Variants in ANK3 observed in about 807,000 individuals in gnomAD.
ANK3 encodes ankyrin-3.
Under a neutral mutation model 370.9 loss-of-function variants are expected in ANK3, and 57 were observed. That is an observed-to-expected ratio of 0.15 (90% CI 0.12 to 0.19). The LOEUF is 0.19. Ranked by LOEUF, ANK3 falls within the 10% of genes least tolerant of loss-of-function variation. ANK3 has a pLI of 1.00. For synonymous variants in ANK3, 1,929 were observed against 1,946.3 expected, an observed-to-expected ratio of 0.99 and a Z score of 0.23; for missense variants, 4,439 against 5,302.1, an observed-to-expected ratio of 0.84 and a Z score of 5.06.
chr10:60,605,915 G>C (rs1372672784), intron 2 of ANK3, among the ~76,000 whole-genome samples: 1 of 152,172 alleles, frequency 6.6e-6, no homozygotes, highest in East Asian at 1.9e-4. Context: ...TCATGCAAAA[G>C]TTCCTGCCTT....
intron 43 of ANK3, among the ~76,000 whole-genome samples, chr10:60,035,051 G>A (rs913996702): frequency 1.3e-4 from 19 of 151,820 alleles, no homozygotes; most frequent in Non-Finnish European, 2.8e-4. Context: ...CTGTTCATTC[G>A]TGTTTTAGCA....
chr10:60,507,335 C>A (rs1484626055), intron 2 of ANK3, among the ~76,000 whole-genome samples: 1 of 151,878 alleles, frequency 6.6e-6, no homozygotes, highest in Non-Finnish European at 1.5e-5. Context: ...TAAACATATT[C>A]ACTTAGAAAA....
At chr10:60,622,952 TA>T in intron 1 of ANK3, among the ~76,000 whole-genome samples, 1 of 152,330 alleles carries the variant, frequency 6.6e-6, no homozygotes, top group South Asian at 2.1e-4. Context: ...TTCAGTTATT[TA>T]AAACTCCTCA....
intron 2 of ANK3, among the ~76,000 whole-genome samples, chr10:60,590,743 C>A (rs531749122): frequency 6.6e-6 from 1 of 152,354 alleles, no homozygotes; most frequent in African/African-American, 2.4e-5. Flanking sequence ...ATATAACCTA[C>A]TCACATGTTC....
At chr10:60,239,689 G>A (rs1157027649) in intron 7 of ANK3, among the ~76,000 whole-genome samples, 1 of 152,002 alleles carries the variant, frequency 6.6e-6, no homozygotes, top group South Asian at 2.1e-4. Context: ...AAGGGCTCTG[G>A]AAATGGCAAA....
chr10:60,032,865 C>T (rs555968740), intron 43 of ANK3, among the ~76,000 whole-genome samples: 24 of 152,272 alleles, frequency 1.6e-4, no homozygotes, highest in African/African-American at 5.8e-4. Flanking sequence ...AAAGACTTTA[C>T]ACCAAGTACA....
At chr10:60,039,073 T>C (rs1220741187) in intron 43 of ANK3, among the ~76,000 whole-genome samples, 1 of 152,232 alleles carries the variant, frequency 6.6e-6, no homozygotes, top group African/African-American at 2.4e-5. Context: ...CTTTTTCCCA[T>C]TGCAGACTGG....
At chr10:60,222,013 G>C (rs2097068210) in intron 8 of ANK3, among the ~76,000 whole-genome samples, 1 of 152,178 alleles carries the variant, frequency 6.6e-6, no homozygotes. Flanking sequence ...CAACTCATCA[G>C]TTCTAGCTGA....
intron 1 of ANK3, among the ~76,000 whole-genome samples, chr10:60,693,454 G>C (rs574099688): frequency 1.3e-5 from 2 of 152,354 alleles, no homozygotes; most frequent in Non-Finnish European, 1.5e-5. Context: ...GCAGGGAACA[G>C]ACAAACAAAA....
intron 1 of ANK3, among the ~76,000 whole-genome samples, chr10:60,386,832 G>C (rs2062410995): frequency 6.6e-6 from 1 of 152,064 alleles, no homozygotes; most frequent in African/African-American, 2.4e-5. Context: ...ATTTTCCCAA[G>C]CTTTTGAGCG....
chr10:60,193,039 T>C (rs994920826), intron 16 of ANK3, among the ~76,000 whole-genome samples: 2 of 152,002 alleles, frequency 1.3e-5, no homozygotes, highest in Non-Finnish European at 2.9e-5. Context: ...GATTAAAGTC[T>C]AGAAAAAGTT....
At chr10:60,125,911 T>A (rs2093732882) in intron 25 of ANK3, among the ~76,000 whole-genome samples, 1 of 152,190 alleles carries the variant, frequency 6.6e-6, no homozygotes, top group Admixed American at 6.5e-5. Context: ...TATGACTAAA[T>A]GTATATGAAA....
At chr10:60,649,011 G>T (rs1292866010) in intron 1 of ANK3, among the ~76,000 whole-genome samples, 1 of 152,008 alleles carries the variant, frequency 6.6e-6, no homozygotes, top group Non-Finnish European at 1.5e-5. Context: ...TCTTTTTCTT[G>T]GTTCCATGCA....
chr10:60,564,688 G>C (rs1248009698), intron 2 of ANK3, among the ~76,000 whole-genome samples: 1 of 152,156 alleles, frequency 6.6e-6, no homozygotes, highest in African/African-American at 2.4e-5. Flanking sequence ...ATTCATCAGA[G>C]AGGAAACAAG....
intron 26 of ANK3, among the ~76,000 whole-genome samples, chr10:60,113,965 A>G (rs1173716257): frequency 1.3e-5 from 2 of 152,154 alleles, no homozygotes; most frequent in African/African-American, 2.4e-5. Flanking sequence ...GAAGATTAGA[A>G]CAGCCAGGAA....
rs2081967857 is a variant in ANK3 at position 60,067,959 on chromosome 10, C to G, written c.12295G>C (p.Asp4099His). 1 of 1,610,052 alleles carries G rather than the reference C, an allele frequency of 6.2e-7. No homozygotes were observed. Residue 4099 changes from aspartate (D) to histidine (H), a missense_variant, in exon 38 of 44, where the codon GAT becomes CAT. Around this residue, in one of 13 missense-constraint regions of ANK3, gnomAD observed 99 missense variants for 150.7 expected, o/e 0.66. Coordinates refer to ENST00000280772, the MANE Select transcript of ANK3 (RefSeq NM_020987.5). Reference protein sequence around the residue: ...RTDIRMAIVADHLGLSWTELA... With the variant: ...RTDIRMAIVAHHLGLSWTELA... ...CCTGTCCAACTAAGTCCCAGGTGATCGGCTACTATTGCCATCCTGATATCT... is the reference window on the plus strand; with the variant it reads ...CCTGTCCAACTAAGTCCCAGGTGATGGGCTACTATTGCCATCCTGATATCT...
rs546272440 is a variant in ANK3 at position 60,081,992 on chromosome 10, G to A, written c.4350+158C>T. The A allele has an allele frequency of 2.1e-3, 1,033 of 482,312 alleles. 3 individuals carry two copies. Among genetic ancestry groups the A allele is most frequent in the Non-Finnish European group, 2.1e-3 (590 of 276,724 alleles). The allele number at this position is 482,312 out of a possible 1,614,324, so 29.9% of individuals were successfully genotyped here. On this transcript the variant is annotated intron_variant, in intron 35 of 43. Coordinates refer to ENST00000280772, the MANE Select transcript of ANK3 (RefSeq NM_020987.5). ...ACTCTTAAGTACGTGTGGAAGAAGA[G>A]TGAACCATTTAAGAAAAATATATAC...
In ANK3 at chr10:60,433,155, TG is replaced by T. The variant is rs2064072345; in HGVS notation, c.97-153517del. On this transcript the variant is annotated intron_variant, in intron 2 of 43. Transcript: ENST00000373827. ...CAAAAAGACATACAAAGAACAACAC[TG>T]AAAAAGAGAACATAAGTAACACCAG... Among the ~76,000 whole-genome samples the T allele has an allele frequency of 3.9e-5, 5 of 129,678 alleles. No homozygotes were observed. In the South Asian group the frequency reaches 1.3e-3, roughly 35 times the overall value. 85.1% of individuals were successfully genotyped at this position (129,678 alleles called of 152,430 possible).
intron 8 of ANK3, among the ~76,000 whole-genome samples, chr10:60,228,029 C>T (rs1422333943): frequency 1.3e-5 from 2 of 152,096 alleles, no homozygotes; most frequent in East Asian, 1.9e-4. Flanking sequence ...TGACTTTTCC[C>T]AGCAGAAGGC....
Sources: allele counts gnomAD v4.1 joint callset (sites outside exome capture counted in the v4.1 genomes callset), GRCh38; gene constraint gnomAD v4.1.1; regional missense constraint gnomAD v4.1.1; transcripts MANE v1.5; gene names NCBI Gene and HGNC (gene_info 2026-07-23, HGNC 2026-07-21).